Variants in SLF2 observed in about 807,000 individuals in gnomAD.
The protein encoded by SLF2 is SMC5-SMC6 complex localization factor protein 2.
Under a neutral mutation model 124.3 loss-of-function variants are expected in SLF2, and 68 were observed. That is an observed-to-expected ratio of 0.55 (90% CI 0.45 to 0.67). The LOEUF is 0.67. SLF2 is among the 30% of genes least tolerant of loss of function. The probability of loss-of-function intolerance (pLI) is 0.00; values close to 1 mark genes in which losing one functional copy is unlikely to be tolerated. For missense variants in SLF2, 1,246 were observed against 1,373.7 expected (o/e 0.91, Z 1.47); for synonymous variants, 480 against 478.8 (o/e 1.00, Z -0.03).
chr10:100,938,905 C>A (rs575433792), intron 11 of SLF2, among the ~76,000 whole-genome samples, 169 bp downstream of exon 11: 1 of 152,306 alleles, frequency 6.6e-6, no homozygotes, highest in East Asian at 1.9e-4. Context: ...AAGCCATCAT[C>A]ATGTTTAGCA....
At chr10:100,934,327 G>A (rs1200173532) in intron 9 of SLF2, among the ~76,000 whole-genome samples, 1 of 152,124 alleles carries the variant, frequency 6.6e-6, no homozygotes, top group Non-Finnish European at 1.5e-5. Context: ...ACATTAGATT[G>A]CTGTATATAC....
chr10:100,932,223 T>C lies in SLF2; in HGVS notation c.2436+1145T>C, dbSNP rs376641138. On this transcript the variant is annotated intron_variant, in intron 9 of 19. Coordinates refer to ENST00000238961, the MANE Select transcript of SLF2 (RefSeq NM_018121.4). ...ATTACTTGAGACCAGGAGTTTGAGA[T>C]CAGCCTGGGCAACATAGCAAGACCA... 1.4e-4 allele frequency among the ~76,000 whole-genome samples: 22 copies of C among 151,744 alleles called. No individual in the cohort carries two copies. The South Asian group carries it at 1.7e-3, about 12-fold the overall frequency.
rs754910481 is a variant in SLF2 at position 100,913,251 on chromosome 10, G to A, written c.140+1G>A. 2 of 1,602,608 alleles carry A rather than the reference G, an allele frequency of 1.2e-6. No homozygotes were observed. The highest frequency in any genetic ancestry group is 1.1e-5 in the South Asian group (1 of 89,384). ...AGAGAACAGAGAGTCCTGGGGACAG[G>A]TACCGTGCAGAGGGCTTGAGAAGGG... On this transcript the variant is annotated splice_donor_variant, in intron 1 of 19. Coordinates refer to ENST00000238961, the MANE Select transcript of SLF2 (RefSeq NM_018121.4). LOFTEE classifies it high-confidence loss of function.
chr10:100,946,841 A>T (rs1122556), intron 13 of SLF2, among the ~76,000 whole-genome samples, 198 bp from the exon 14 acceptor site: 1 of 152,082 alleles, frequency 6.6e-6, no homozygotes, highest in Non-Finnish European at 1.5e-5. Context: ...TGTTCAGTCC[A>T]TTTAAGATAG....
intron 15 of SLF2, among the ~76,000 whole-genome samples, 190 bp from the exon 16 acceptor site, chr10:100,949,886 G>T (rs536625161): frequency 1.3e-5 from 2 of 152,006 alleles, no homozygotes; most frequent in African/African-American, 4.8e-5. Context: ...GTGAGCCACC[G>T]TGCCCGACCA....
intron 15 of SLF2, 21 bp from the exon 16 acceptor site, chr10:100,950,055 G>A: frequency 1.3e-6 from 2 of 1,544,636 alleles, no homozygotes; most frequent in Non-Finnish European, 1.7e-6. Context: ...TTTGTTCAAT[G>A]TCTCCTCTTT....
chr10:100,918,116 G>A (rs187079703), intron 3 of SLF2, among the ~76,000 whole-genome samples: 2 of 152,156 alleles, frequency 1.3e-5, no homozygotes, highest in Non-Finnish European at 2.9e-5. Context: ...TAATATTCTT[G>A]AATTATTGAT....
At position 100,931,022 on chromosome 10, in the gene SLF2, ACGT is replaced by A. The variant is rs761082029; in HGVS notation, c.2382_2384del (p.Ser795del). 11 of 1,614,148 alleles carry A rather than the reference ACGT, an allele frequency of 6.8e-6. No individual in the cohort carries two copies. In the Admixed American group the frequency reaches 1.8e-4, roughly 27 times the overall value. ...TTTTTTGACAACACAAGGTTTCCTT[ACGT>A]CTGCTTATCACTATGTCCAGTGTCC... On this transcript the variant is annotated inframe_deletion, in exon 9 of 20. Transcript: ENST00000238961.
In SLF2 at chr10:100,929,063, T is replaced by C. The variant is rs576529411; in HGVS notation, c.2043-254T>C. 2.0e-5 allele frequency among the ~76,000 whole-genome samples: 3 copies of C among 152,324 alleles called. No homozygotes were observed. The South Asian group carries it at 6.2e-4, about 32-fold the overall frequency. ...GCTTTATGGAAATCCTCAAGTCTTT[T>C]ATGCAGTGGAACACTATTCTAATGC... On this transcript the variant is annotated intron_variant, in intron 6 of 19. Coordinates refer to ENST00000238961, the MANE Select transcript of SLF2 (RefSeq NM_018121.4).
chr10:100,934,975 G>T (rs1381515654), intron 9 of SLF2, among the ~76,000 whole-genome samples: 5 of 151,896 alleles, frequency 3.3e-5, no homozygotes, highest in African/African-American at 1.2e-4. Context: ...CTAAGCAAAT[G>T]AAAAAGATAA....
chr10:100,927,969 A>G (rs7089096), intron 6 of SLF2, among the ~76,000 whole-genome samples: 19,313 of 145,494 alleles, frequency 0.13, 2,075 homozygotes, highest in African/African-American at 0.3. Context: ...CACAGGTAGA[A>G]TTTTCTGAAA....
At chr10:100,947,991 T>TAA (rs1403680649) in intron 15 of SLF2, 144 bp downstream of exon 15, 2 of 530,210 alleles carry the variant, frequency 3.8e-6, no homozygotes, top group Admixed American at 6.2e-5. Context: ...CTAGCACACT[T>TAA]AACTAACAAG....
chr10:100,956,010 A>G (rs1205450602), intron 17 of SLF2, among the ~76,000 whole-genome samples: 2 of 151,942 alleles, frequency 1.3e-5, no homozygotes, highest in African/African-American at 2.4e-5. Flanking sequence ...TCAAGGGTGC[A>G]GTGAGCTATA....
At chr10:100,949,377 A>G (rs371826612) in intron 15 of SLF2, among the ~76,000 whole-genome samples, 5 of 152,204 alleles carry the variant, frequency 3.3e-5, no homozygotes, top group African/African-American at 1.2e-4. Flanking sequence ...TTAACCCTCA[A>G]ACTCACTAAC....
chr10:100,930,268 G>T (rs1425947653), intron 8 of SLF2, among the ~76,000 whole-genome samples: 2 of 152,148 alleles, frequency 1.3e-5, no homozygotes, highest in African/African-American at 4.8e-5. Context: ...TAAACAAGAA[G>T]TATATTTGAA....
intron 17 of SLF2, among the ~76,000 whole-genome samples, chr10:100,951,057 A>G (rs954632727): frequency 3.9e-5 from 6 of 152,230 alleles, no homozygotes; most frequent in Non-Finnish European, 7.3e-5. Context: ...CCTGGCCAAC[A>G]TGGTGAAACC....
intron 10 of SLF2, 45 bp from the exon 11 acceptor site, chr10:100,938,550 T>A (rs376872800): frequency 1.9e-6 from 3 of 1,571,532 alleles, no homozygotes; most frequent in African/African-American, 1.4e-5. Flanking sequence ...AATGTGGGTT[T>A]GTAGACCACA....
chr10:100,945,300 TA>T, intron 12 of SLF2, 29 bp from the exon 13 acceptor site: 1 of 1,447,848 alleles, frequency 6.9e-7, no homozygotes, highest in Non-Finnish European at 9.1e-7. Context: ...CCTCCTAAAA[TA>T]TTTTTGTCTG....
intron 16 of SLF2, among the ~76,000 whole-genome samples, 169 bp from the exon 17 acceptor site, chr10:100,950,507 G>A (rs1850189965): frequency 6.6e-6 from 1 of 152,198 alleles, no homozygotes; most frequent in African/African-American, 2.4e-5. Flanking sequence ...ATGCACTTGA[G>A]TTAGAAATGA....
Sources: allele counts gnomAD v4.1 joint callset (sites outside exome capture counted in the v4.1 genomes callset), GRCh38; gene constraint gnomAD v4.1.1; transcripts MANE v1.5; gene names NCBI Gene and HGNC (gene_info 2026-07-23, HGNC 2026-07-21).